The following ABCA13 variants were observed in gnomAD, a reference collection of about 807,000 sequenced individuals.
ABCA13 encodes the protein ATP-binding cassette sub-family A member 13.
Under a neutral mutation model 478.7 loss-of-function variants are expected in ABCA13, and 476 were observed. The observed-to-expected ratio is 0.99, with a 90% CI of 0.92 to 1.07. ABCA13 has a LOEUF of 1.07. Among genes scored for constraint, ABCA13 ranks in the 50% least tolerant of loss-of-function variants. The probability of loss-of-function intolerance (pLI) is 0.00; values close to 1 mark genes in which losing one functional copy is unlikely to be tolerated. For missense variants in ABCA13, 6,060 were observed against 5,910.6 expected (o/e 1.03, Z -0.83); for synonymous variants, 2,252 against 2,158.9 (o/e 1.04, Z -1.20).
At position 48,227,423 on chromosome 7, in the gene ABCA13, G is replaced by A. The variant is rs1788385555; in HGVS notation, c.630G>A (p.Leu210=). ...DVAVNLLQTI[L]NSLISLEDLD... is the part of the protein sequence containing the mutation. Reference sequence around the variant, plus strand: ...CAGTGAACCTTCTCCAGACCATTTTGAAGTGAGTGAAAAAGAAAAACATAA... The same window carrying A: ...CAGTGAACCTTCTCCAGACCATTTTAAAGTGAGTGAAAAAGAAAAACATAA... The change falls in exon 6 of 62, where the codon TTG becomes TTA. Residue 210 remains leucine, a splice_region_variant and synonymous_variant. Coordinates refer to ENST00000435803, the MANE Select transcript of ABCA13 (RefSeq NM_152701.5). 2.5e-6 allele frequency: 4 copies of A among 1,613,608 alleles called. No homozygotes were observed. The highest frequency in any genetic ancestry group is 1.7e-6 in the Non-Finnish European group (2 of 1,179,800).
At position 48,367,866 on chromosome 7, in the gene ABCA13, G is replaced by C. The variant is rs767141398; in HGVS notation, c.10761G>C (p.Met3587Ile). 2 of 1,582,166 alleles carry C rather than the reference G, an allele frequency of 1.3e-6. No individual in the cohort carries two copies. The highest frequency in any genetic ancestry group is 1.7e-6 in the Non-Finnish European group (2 of 1,163,122). Residue 3587 changes from methionine (M) to isoleucine (I), a missense_variant, in exon 32 of 62, where the codon ATG becomes ATC. Physicochemically the swap from Met to Ile is conservative, Grantham distance 10. Around this residue, in one of 3 missense-constraint regions of ABCA13, gnomAD observed 4,423 missense variants for 4,309.1 expected, o/e 1.03. Transcript: ENST00000435803. ...CGTGGATGGTGTCTGTGGCCAGCAT[G>C]GTCAGAAAGTTGGTGTATGAGCAGG... ...MLTWMVSVAS[M>I]VRKLVYEQEI...
intron 20 of ABCA13, among the ~76,000 whole-genome samples, chr7:48,288,654 G>T (rs553849005): frequency 3.9e-5 from 6 of 151,924 alleles, no homozygotes; most frequent in African/African-American, 1.4e-4. Context: ...TTTTTTTCTG[G>T]AGAGTTAGTT....
chr7:48,322,698 C>A lies in ABCA13; in HGVS notation c.9999+5402C>A, dbSNP rs555083116. 2.6e-5 allele frequency among the ~76,000 whole-genome samples: 4 copies of A among 152,326 alleles called. No homozygotes were observed. In the South Asian group the frequency reaches 8.3e-4, roughly 32 times the overall value. On this transcript the variant is annotated intron_variant, in intron 27 of 61. Transcript: ENST00000435803. ...AAGTATCTTCTCTCCTCAGGCACCC[C>A]CAACAGGCACTGTGTGTTTTTGCTT...
chr7:48,222,644 G>A (rs1414628332), intron 5 of ABCA13, among the ~76,000 whole-genome samples: 1 of 152,112 alleles, frequency 6.6e-6, no homozygotes, highest in African/African-American at 2.4e-5. Context: ...GCAGAGGACA[G>A]TATCATATCC....
chr7:48,318,198 C>G (rs1293698267), intron 27 of ABCA13, among the ~76,000 whole-genome samples: 1 of 152,170 alleles, frequency 6.6e-6, no homozygotes, highest in Non-Finnish European at 1.5e-5. Flanking sequence ...TTTCATGCTT[C>G]TGACCCATGG....
intron 59 of ABCA13, among the ~76,000 whole-genome samples, chr7:48,623,428 C>T (rs1330018483): frequency 6.6e-6 from 1 of 152,144 alleles, no homozygotes; most frequent in African/African-American, 2.4e-5. Context: ...CTTGGGATGC[C>T]TTCTGTCAGT....
At chr7:48,570,319 CTTTTT>C (rs35693419) in intron 55 of ABCA13, among the ~76,000 whole-genome samples, 65 of 88,214 alleles carry the variant, frequency 7.4e-4, no homozygotes, top group African/African-American at 2.9e-3. Context: ...TTTGCATCCT[CTTTTT>C]TTTTTTTTTT....
intron 42 of ABCA13, among the ~76,000 whole-genome samples, chr7:48,434,876 G>T (rs1267594405): frequency 2.0e-5 from 3 of 151,712 alleles, no homozygotes; most frequent in Non-Finnish European, 4.4e-5. Context: ...GTCTGTTTTT[G>T]TGCCAGTTCC....
intron 30 of ABCA13, among the ~76,000 whole-genome samples, chr7:48,351,710 A>T (rs1338881143): frequency 6.6e-6 from 1 of 152,206 alleles, no homozygotes; most frequent in African/African-American, 2.4e-5. Flanking sequence ...TAGGACTTCT[A>T]CATATGAATT....
chr7:48,361,557 C>T (rs542902957), intron 31 of ABCA13, among the ~76,000 whole-genome samples: 35 of 151,636 alleles, frequency 2.3e-4, no homozygotes, highest in African/African-American at 8.5e-4. Context: ...CCTTACTTTT[C>T]TGTATCTTCA....
chr7:48,623,767 T>C (rs1793385817), intron 59 of ABCA13, among the ~76,000 whole-genome samples: 1 of 152,188 alleles, frequency 6.6e-6, no homozygotes, highest in Non-Finnish European at 1.5e-5. Flanking sequence ...GGTTTATTTG[T>C]CACCTGGCTA....
intron 19 of ABCA13, among the ~76,000 whole-genome samples, chr7:48,286,225 T>G (rs1271843448): frequency 3.3e-5 from 5 of 152,154 alleles, no homozygotes; most frequent in East Asian, 3.9e-4. Flanking sequence ...ACTCTTGGTG[T>G]TGTCATTCTA....
At chr7:48,341,384 T>G (rs756152796) in intron 29 of ABCA13, among the ~76,000 whole-genome samples, 6 of 147,842 alleles carry the variant, frequency 4.1e-5, no homozygotes, top group Non-Finnish European at 9.1e-5. Context: ...TCTCCTGGGG[T>G]GGATACCATG....
At chr7:48,357,432 G>A (rs547230469) in intron 31 of ABCA13, among the ~76,000 whole-genome samples, 12 of 151,952 alleles carry the variant, frequency 7.9e-5, no homozygotes, top group Non-Finnish European at 1.6e-4. Context: ...GATACCAACT[G>A]TAGTGGGAAG....
intron 42 of ABCA13, among the ~76,000 whole-genome samples, chr7:48,444,292 C>T (rs1330157772): frequency 6.6e-6 from 1 of 152,152 alleles, no homozygotes; most frequent in Non-Finnish European, 1.5e-5. Flanking sequence ...AAACTTCTTT[C>T]TCAAGAGTTG....
At chr7:48,520,407 C>T in intron 53 of ABCA13, 113 bp downstream of exon 53, 4 of 1,251,466 alleles carry the variant, frequency 3.2e-6, no homozygotes, top group Middle Eastern at 2.7e-4. Context: ...CAGCATTATA[C>T]ATAGTTCTAA....
chr7:48,288,110 A>G lies in ABCA13; in HGVS notation c.8955+32A>G, dbSNP rs143098693. ...CGTCTTTAATATTTCAGAGAATTTCATGTTCATGACTATTGGCCCTTGCAA... is the reference window on the plus strand; with the variant it reads ...CGTCTTTAATATTTCAGAGAATTTCGTGTTCATGACTATTGGCCCTTGCAA... On this transcript the variant is annotated intron_variant, in intron 20 of 61. Transcript: ENST00000435803. 4 of 1,588,654 alleles carry G rather than the reference A, an allele frequency of 2.5e-6. No individual in the cohort carries two copies. In the Admixed American group the frequency reaches 5.0e-5, roughly 20 times the overall value.
chr7:48,552,063 T>C (rs2131201069), intron 55 of ABCA13, among the ~76,000 whole-genome samples: 1 of 152,066 alleles, frequency 6.6e-6, no homozygotes, highest in East Asian at 1.9e-4. Flanking sequence ...TATTTTCATT[T>C]GTCCTTTTAG....
intron 58 of ABCA13, among the ~76,000 whole-genome samples, chr7:48,614,628 AC>A (rs1209900936): frequency 2.7e-5 from 4 of 150,760 alleles, no homozygotes; most frequent in African/African-American, 9.7e-5. Flanking sequence ...AAGACTTGGA[AC>A]CAACCCAAAT....
Sources: allele counts gnomAD v4.1 joint callset (sites outside exome capture counted in the v4.1 genomes callset), GRCh38; gene constraint gnomAD v4.1.1; regional missense constraint gnomAD v4.1.1; transcripts MANE v1.5; gene names NCBI Gene and HGNC (gene_info 2026-07-23, HGNC 2026-07-21).